The following KMT2C variants were observed in gnomAD, a reference collection of about 807,000 sequenced individuals.
The protein encoded by KMT2C is lysine methyltransferase 2C.
KMT2C carries 88 observed loss-of-function variants against 507.9 expected under a neutral mutation model. The ratio of observed to expected loss-of-function variants is 0.17; its 90% CI spans 0.15 to 0.21. The LOEUF is 0.21. Ranked by LOEUF, KMT2C falls within the 10% of genes least tolerant of loss-of-function variation. The pLI, the probability that KMT2C is intolerant of heterozygous loss-of-function variation, is 1.00. For synonymous variants in KMT2C, 2,049 were observed against 2,080.8 expected (o/e 0.98, Z 0.42); for missense variants, 4,954 against 5,957.8 (o/e 0.83, Z 5.55).
intron 1 of KMT2C, among the ~76,000 whole-genome samples, 162 bp downstream of exon 1, chr7:152,435,464 G>A (rs2097909211): frequency 6.9e-6 from 1 of 145,892 alleles, no homozygotes; most frequent in Non-Finnish European, 1.5e-5. Flanking sequence ...CTACCGAGGG[G>A]CGCGGGGCCG....
At chr7:152,169,381 G>T (rs981946215) in intron 40 of KMT2C, 132 bp from the exon 41 acceptor site, 5 of 622,362 alleles carry the variant, frequency 8.0e-6, no homozygotes, top group Non-Finnish European at 1.4e-5. Context: ...TCTTTTAAAG[G>T]TTTTTTTATA....
At chr7:152,374,623 G>C (rs1467299851) in intron 1 of KMT2C, among the ~76,000 whole-genome samples, 1 of 152,100 alleles carries the variant, frequency 6.6e-6, no homozygotes, top group Non-Finnish European at 1.5e-5. Context: ...ATCAGGCCGG[G>C]TGTGCTGGCT....
intron 9 of KMT2C, among the ~76,000 whole-genome samples, chr7:152,257,320 T>TA (rs1230428183): frequency 3.3e-5 from 5 of 152,174 alleles, no homozygotes; most frequent in Non-Finnish European, 1.5e-5. Flanking sequence ...TTCTTATTCT[T>TA]AGACGAAAAA....
chr7:152,294,926 G>A (rs946269161), intron 6 of KMT2C, among the ~76,000 whole-genome samples: 1 of 151,996 alleles, frequency 6.6e-6, no homozygotes, highest in Admixed American at 6.6e-5. Context: ...TCCAAAGTCA[G>A]TTTGATTTGC....
In KMT2C at chr7:152,233,132, A is replaced by C. The variant is rs1011467868; in HGVS notation, c.2769+2685T>G. Among the ~76,000 whole-genome samples, 19 of 152,234 alleles carry C rather than the reference A, an allele frequency of 1.2e-4. No individual in the cohort carries two copies. In the South Asian group the frequency reaches 2.7e-3, roughly 22 times the overall value. On this transcript the variant is annotated intron_variant, in intron 16 of 58. Transcript: ENST00000262189. ...GTCATACTGTCATATTTAAATAATAAGTGCAGAAAAACCAAAATATTTTAA... is the reference window on the plus strand; with the variant it reads ...GTCATACTGTCATATTTAAATAATACGTGCAGAAAAACCAAAATATTTTAA...
intron 6 of KMT2C, among the ~76,000 whole-genome samples, chr7:152,302,880 G>A (rs2096582665): frequency 6.6e-6 from 1 of 151,420 alleles, no homozygotes; most frequent in Non-Finnish European, 1.5e-5. Context: ...CTGACCTCAG[G>A]TGATCCACCC....
intron 1 of KMT2C, among the ~76,000 whole-genome samples, chr7:152,411,566 G>A (rs1005419362): frequency 6.6e-6 from 1 of 152,238 alleles, no homozygotes; most frequent in Non-Finnish European, 1.5e-5. Flanking sequence ...GGCACGAGTA[G>A]AGAAAGTAGA....
chr7:152,391,831 A>G (rs1282079019), intron 1 of KMT2C, among the ~76,000 whole-genome samples: 3 of 152,158 alleles, frequency 2.0e-5, no homozygotes, highest in Non-Finnish European at 2.9e-5. Flanking sequence ...TGTCTTTGTA[A>G]CTAGACTTTA....
chr7:152,272,606 C>A (rs553640351), intron 7 of KMT2C, among the ~76,000 whole-genome samples: 38 of 152,232 alleles, frequency 2.5e-4, no homozygotes, highest in African/African-American at 7.9e-4. Context: ...GAAGAGTGTA[C>A]AATCTAACGC....
At chr7:152,226,108 TATTTAGAGCTATAGCATTA>T (rs2094921554) in intron 18 of KMT2C, among the ~76,000 whole-genome samples, 1 of 151,942 alleles carries the variant, frequency 6.6e-6, no homozygotes, top group Non-Finnish European at 1.5e-5. Context: ...ACCAGTTGAT[TATTTAGAGCTATAGCATTA>T]ACCACAAGAA....
At chr7:152,182,884 A>G in intron 35 of KMT2C, 90 bp downstream of exon 35, 1 of 942,516 alleles carries the variant, frequency 1.1e-6, no homozygotes, top group Non-Finnish European at 1.6e-6. Flanking sequence ...TCATGGTCTA[A>G]GAACTATATT....
intron 2 of KMT2C, among the ~76,000 whole-genome samples, chr7:152,331,287 GT>G (rs200381311): frequency 0.012 from 1,819 of 151,610 alleles, 41 homozygotes; most frequent in African/African-American, 0.042. Flanking sequence ...TCAGGCCTAG[GT>G]GACAAAGCCA....
At chr7:152,257,442 T>C (rs1374162585) in intron 9 of KMT2C, among the ~76,000 whole-genome samples, 2 of 152,176 alleles carry the variant, frequency 1.3e-5, no homozygotes, top group African/African-American at 4.8e-5. Context: ...TAAAACTTCA[T>C]ATAGTATTGA....
intron 1 of KMT2C, 51 bp from the exon 2 acceptor site, chr7:152,358,726 T>C: frequency 8.2e-7 from 1 of 1,222,962 alleles, no homozygotes; most frequent in Non-Finnish European, 1.2e-6. Context: ...TGTTAAATTT[T>C]AAGGCTTAGA....
intron 23 of KMT2C, among the ~76,000 whole-genome samples, chr7:152,218,296 T>C (rs2094642067): frequency 6.6e-6 from 1 of 152,136 alleles, no homozygotes; most frequent in Admixed American, 6.5e-5. Flanking sequence ...CCCGAGTAGC[T>C]GGGATTACAG....
chr7:152,357,801 T>C (rs1180428244), intron 2 of KMT2C, among the ~76,000 whole-genome samples: 1 of 152,190 alleles, frequency 6.6e-6, no homozygotes, highest in African/African-American at 2.4e-5. Context: ...GCAACACATC[T>C]GACAACTGTA....
chr7:152,180,559 C>T (rs1475862037), intron 36 of KMT2C, 152 bp downstream of exon 36: 2 of 614,428 alleles, frequency 3.3e-6, no homozygotes, highest in Non-Finnish European at 5.4e-6. Flanking sequence ...GTGTTAATTT[C>T]ATCAATTTCA....
At chr7:152,412,325 C>T (rs1234935831) in intron 1 of KMT2C, among the ~76,000 whole-genome samples, 18 of 152,158 alleles carry the variant, frequency 1.2e-4, no homozygotes, top group Non-Finnish European at 2.2e-4. Context: ...GGCTTGAACC[C>T]GGGAGGCGGA....
At chr7:152,385,651 T>TAAAAAA (rs2097419661) in intron 1 of KMT2C, among the ~76,000 whole-genome samples, 1 of 106,896 alleles carries the variant, frequency 9.4e-6, no homozygotes, top group African/African-American at 3.5e-5. Context: ...AAAAAAAAAT[T>TAAAAAA]GAGACGTGTT....
Sources: gnomAD v4.1 joint callset for allele counts (sites outside exome capture counted in the v4.1 genomes callset) on GRCh38, gnomAD v4.1.1 for gene constraint, MANE v1.5 for transcripts, NCBI Gene and HGNC (gene_info 2026-07-23, HGNC 2026-07-21) for gene names.